Variants in ITCH observed in about 807,000 individuals in gnomAD.
ITCH encodes itchy E3 ubiquitin protein ligase.
A neutral mutation model predicts 126.8 loss-of-function variants in ITCH; 28 were observed. The ratio of observed to expected loss-of-function variants is 0.22; its 90% CI spans 0.16 to 0.30. The LOEUF (loss-of-function observed/expected upper bound fraction) is 0.30, where lower values mean the gene tolerates loss of function less well. Ranked by LOEUF, ITCH falls within the 10% of genes least tolerant of loss-of-function variation. The probability of loss-of-function intolerance (pLI) is 1.00; values close to 1 mark genes in which losing one functional copy is unlikely to be tolerated. For synonymous variants in ITCH, 342 were observed against 340.0 expected (o/e 1.01, Z -0.06); for missense variants, 631 against 1,032.4 (o/e 0.61, Z 5.33).
chr20:34,459,715 G>A lies in ITCH; in HGVS notation c.1295+2241G>A, dbSNP rs994031470. Among the ~76,000 whole-genome samples, 4 of 152,134 alleles carry A rather than the reference G, an allele frequency of 2.6e-5. No homozygotes were observed. The East Asian group carries it at 7.7e-4, about 29-fold the overall frequency. ...CATACCACTGCATTCCAGCTTGGGC[G>A]ACAGAGTGTGACTCTGCCTCAAAAA... On this transcript the variant is annotated intron_variant, in intron 13 of 24. Transcript: ENST00000374864.
intron 22 of ITCH, among the ~76,000 whole-genome samples, chr20:34,491,810 C>T (rs1333314091): frequency 6.6e-6 from 1 of 152,194 alleles, no homozygotes; most frequent in African/African-American, 2.4e-5. Context: ...CCACATAATT[C>T]TAGCTATGTG....
intron 20 of ITCH, among the ~76,000 whole-genome samples, chr20:34,486,182 CTTA>C (rs1449682411): frequency 4.0e-5 from 6 of 151,848 alleles, no homozygotes; most frequent in South Asian, 2.1e-4. Context: ...GCCTGGCTTA[CTTA>C]TTTATTTATT....
intron 7 of ITCH, among the ~76,000 whole-genome samples, chr20:34,436,478 A>T (rs1252933569): frequency 1.3e-5 from 2 of 152,208 alleles, no homozygotes; most frequent in African/African-American, 4.8e-5. Context: ...ATGGTTTTGG[A>T]AACCTCACTT....
At chr20:34,475,027 G>A (rs1316559829) in intron 16 of ITCH, among the ~76,000 whole-genome samples, 2 of 151,148 alleles carry the variant, frequency 1.3e-5, no homozygotes, top group East Asian at 3.9e-4. Flanking sequence ...GGGGCGGCGG[G>A]GCAGAGGCGC....
chr20:34,402,422 T>A (rs2146114398), intron 3 of ITCH: 1 of 772,734 alleles, frequency 1.3e-6, no homozygotes, highest in Non-Finnish European at 2.4e-6. Context: ...TGGCACCCAC[T>A]TTTCTTTCAC....
At chr20:34,392,767 A>G (rs1228059619) in intron 2 of ITCH, among the ~76,000 whole-genome samples, 2 of 152,132 alleles carry the variant, frequency 1.3e-5, no homozygotes, top group East Asian at 3.9e-4. Context: ...GCTGGAGTAC[A>G]GTGGTGTGAT....
intron 24 of ITCH, among the ~76,000 whole-genome samples, chr20:34,507,147 G>A (rs1453938887): frequency 1.3e-5 from 2 of 151,778 alleles, no homozygotes; most frequent in Non-Finnish European, 2.9e-5. Context: ...TTTTTTGGGG[G>A]AATCTCGCCA....
intron 23 of ITCH, among the ~76,000 whole-genome samples, chr20:34,498,267 ATGT>A (rs1990018342): frequency 6.6e-6 from 1 of 152,162 alleles, no homozygotes; most frequent in Non-Finnish European, 1.5e-5. Context: ...ATATAAGGTC[ATGT>A]TGTCTGCGAA....
intron 16 of ITCH, among the ~76,000 whole-genome samples, chr20:34,477,145 C>T (rs1988305556): frequency 6.6e-6 from 1 of 152,132 alleles, no homozygotes; most frequent in African/African-American, 2.4e-5. Flanking sequence ...AATAACCAAA[C>T]CACAAAAACC....
At chr20:34,402,200 C>A in intron 3 of ITCH, 1 of 1,409,086 alleles carries the variant, frequency 7.1e-7, no homozygotes. Context: ...CCAGGGCAGC[C>A]AATATTGCTT....
At chr20:34,429,978 G>A (rs533403709) in intron 7 of ITCH, among the ~76,000 whole-genome samples, 168 of 152,270 alleles carry the variant, frequency 1.1e-3, no homozygotes, top group African/African-American at 3.8e-3. Context: ...GAGAAACACA[G>A]GTTGTTTTGT....
chr20:34,389,033 C>G (rs966001541), intron 2 of ITCH, among the ~76,000 whole-genome samples: 1 of 152,084 alleles, frequency 6.6e-6, no homozygotes, highest in Non-Finnish European at 1.5e-5. Context: ...CTTCTAGGAC[C>G]ACCACATATA....
Position 34,510,494 on chromosome 20 carries a change from A to G in ITCH, c.*2700A>G, listed in dbSNP as rs1003756910. 6.7e-6 allele frequency: 1 copy of G among 148,720 alleles called. No homozygotes were observed. The highest frequency in any genetic ancestry group is 2.5e-5 in the African/African-American group (1 of 40,272). 9.2% of individuals were successfully genotyped at this position (148,720 alleles called of 1,614,324 possible). On this transcript the variant is annotated 3_prime_UTR_variant, in exon 25 of 25. Coordinates refer to ENST00000374864, the MANE Select transcript of ITCH (RefSeq NM_031483.7). ...TTACTGCATGTTACATTGAAATAAA[A>G]ACAAAGTAAAATGAGCAATTGCCTT... is the stretch of plus-strand genomic sequence containing the variant.
At chr20:34,382,718 T>TTTATTA (rs1212326362) in intron 2 of ITCH, among the ~76,000 whole-genome samples, 1 of 126,512 alleles carries the variant, frequency 7.9e-6, no homozygotes, top group Non-Finnish European at 1.7e-5. Context: ...AATAATTCTT[T>TTTATTA]TTATTATTAC....
chr20:34,492,664 A>G (rs757213481), intron 23 of ITCH, 67 bp downstream of exon 23: 150 of 979,232 alleles, frequency 1.5e-4, no homozygotes, highest in Admixed American at 2.4e-4. Flanking sequence ...GTAAATGTGT[A>G]TACAGCCTAT....
intron 2 of ITCH, among the ~76,000 whole-genome samples, chr20:34,379,932 C>G (rs2037994198): frequency 9.0e-6 from 1 of 111,176 alleles, no homozygotes; most frequent in Non-Finnish European, 1.7e-5. Context: ...GAGTCTCGCT[C>G]TGTCACCAAG....
chr20:34,485,402 G>C (rs1989033334), intron 20 of ITCH, among the ~76,000 whole-genome samples: 2 of 152,152 alleles, frequency 1.3e-5, no homozygotes, highest in Admixed American at 1.3e-4. Flanking sequence ...GTATTTGAGA[G>C]TTGCTTCACG....
intron 20 of ITCH, among the ~76,000 whole-genome samples, chr20:34,482,871 T>A (rs1270389514): frequency 6.6e-6 from 1 of 152,194 alleles, no homozygotes; most frequent in Non-Finnish European, 1.5e-5. Flanking sequence ...AGCAGACTTT[T>A]GCCTGGGCAT....
At chr20:34,387,068 C>T (rs1039819716) in intron 2 of ITCH, among the ~76,000 whole-genome samples, 6 of 151,872 alleles carry the variant, frequency 4.0e-5, no homozygotes, top group Admixed American at 6.6e-5. Flanking sequence ...TTTGGGAGGC[C>T]GAGGCGGGCA....
Sources: gnomAD v4.1 joint callset for allele counts (sites outside exome capture counted in the v4.1 genomes callset) on GRCh38, gnomAD v4.1.1 for gene constraint, MANE v1.5 for transcripts, NCBI Gene and HGNC (gene_info 2026-07-23, HGNC 2026-07-21) for gene names.